CNTNAP2: variants seen among roughly 807,000 people sequenced by gnomAD.
The protein encoded by CNTNAP2 is contactin associated protein 2, also known as contactin-associated protein-like 2.
CNTNAP2 carries 98 observed loss-of-function variants against 155.2 expected under a neutral mutation model. The observed-to-expected ratio is 0.63, with a 90% CI of 0.54 to 0.75. CNTNAP2 has a LOEUF of 0.75. Ranked by LOEUF, CNTNAP2 falls within the 30% of genes least tolerant of loss-of-function variation. The probability of loss-of-function intolerance (pLI) is 0.00; values close to 1 mark genes in which losing one functional copy is unlikely to be tolerated. For missense variants in CNTNAP2, 1,727 were observed against 1,688.1 expected (o/e 1.02, Z -0.40); for synonymous variants, 651 against 631.2 (o/e 1.03, Z -0.47).
intron 2 of CNTNAP2, among the ~76,000 whole-genome samples, chr7:146,814,452 G>A (rs934046253): frequency 6.6e-6 from 1 of 151,932 alleles, no homozygotes; most frequent in Non-Finnish European, 1.5e-5. Flanking sequence ...AAATAAAATT[G>A]ATAACAATAA....
chr7:147,828,910 T>C (rs1439737530), intron 13 of CNTNAP2, among the ~76,000 whole-genome samples: 3 of 152,196 alleles, frequency 2.0e-5, no homozygotes, highest in African/African-American at 4.8e-5. Flanking sequence ...AATGGTACTA[T>C]ATTACTTAGT....
At chr7:146,931,083 G>T (rs1330253411) in intron 3 of CNTNAP2, among the ~76,000 whole-genome samples, 2 of 151,684 alleles carry the variant, frequency 1.3e-5, no homozygotes, top group Non-Finnish European at 2.9e-5. Context: ...GCACCAAGTG[G>T]ACCTAATAGA....
At chr7:147,811,023 G>A (rs1798171398) in intron 13 of CNTNAP2, among the ~76,000 whole-genome samples, 1 of 152,212 alleles carries the variant, frequency 6.6e-6, no homozygotes, top group South Asian at 2.1e-4. Flanking sequence ...TTACTAGGAA[G>A]TAGGCATGTA....
intron 1 of CNTNAP2, among the ~76,000 whole-genome samples, chr7:146,428,334 A>G (rs1261663467): frequency 1.3e-5 from 2 of 152,166 alleles, no homozygotes; most frequent in Non-Finnish European, 2.9e-5. Flanking sequence ...GTCTTCCACA[A>G]CGGTTGAACT....
intron 21 of CNTNAP2, among the ~76,000 whole-genome samples, chr7:148,370,450 C>T (rs1331447406): frequency 3.3e-5 from 5 of 152,188 alleles, no homozygotes; most frequent in Non-Finnish European, 7.3e-5. Context: ...TGACTTTACT[C>T]CTCAGGCTGT....
At chr7:146,218,234 G>A (rs924693516) in intron 1 of CNTNAP2, among the ~76,000 whole-genome samples, 2 of 152,212 alleles carry the variant, frequency 1.3e-5, no homozygotes, top group African/African-American at 4.8e-5. Flanking sequence ...CATCGGCCGG[G>A]CGCGGTGGCT....
chr7:147,578,046 T>G (rs890908632), intron 12 of CNTNAP2, among the ~76,000 whole-genome samples: 1 of 152,160 alleles, frequency 6.6e-6, no homozygotes, highest in African/African-American at 2.4e-5. Flanking sequence ...TGTGGCCGCT[T>G]TAGAATCTAT....
intron 1 of CNTNAP2, among the ~76,000 whole-genome samples, chr7:146,746,904 A>T (rs1201611102): frequency 6.6e-6 from 1 of 151,444 alleles, no homozygotes; most frequent in Non-Finnish European, 1.5e-5. Context: ...CTAGCAACAA[A>T]GAAGTTTTTT....
chr7:147,876,562 T>C (rs1799422354), intron 13 of CNTNAP2, among the ~76,000 whole-genome samples: 1 of 152,170 alleles, frequency 6.6e-6, no homozygotes, highest in Admixed American at 6.6e-5. Context: ...TTAGTTATTA[T>C]GTGCTTTACC....
At chr7:146,910,621 G>T (rs1372502041) in intron 3 of CNTNAP2, among the ~76,000 whole-genome samples, 1 of 150,670 alleles carries the variant, frequency 6.6e-6, no homozygotes, top group African/African-American at 2.5e-5. Context: ...GCTGAAACTG[G>T]ATCCCTTCCT....
At chr7:146,284,498 A>G (rs1022056905) in intron 1 of CNTNAP2, among the ~76,000 whole-genome samples, 3 of 152,206 alleles carry the variant, frequency 2.0e-5, no homozygotes, top group African/African-American at 4.8e-5. Context: ...ATAGAACAGC[A>G]TAATCTGATT....
At chr7:147,034,210 G>T (rs1799101271) in intron 3 of CNTNAP2, among the ~76,000 whole-genome samples, 1 of 152,162 alleles carries the variant, frequency 6.6e-6, no homozygotes, top group African/African-American at 2.4e-5. Context: ...CTTTTAGCAA[G>T]CTAATGAAAT....
intron 1 of CNTNAP2, among the ~76,000 whole-genome samples, chr7:146,175,196 C>T (rs1173853590): frequency 1.3e-5 from 2 of 152,048 alleles, no homozygotes; most frequent in Non-Finnish European, 1.5e-5. Flanking sequence ...GGCAGAGTCA[C>T]CTTGGGGAAT....
Position 146,518,423 on chromosome 7 carries a change from T to G in CNTNAP2, c.98-255848T>G, listed in dbSNP as rs143717381. Among the ~76,000 whole-genome samples, 23 of 151,982 alleles carry G rather than the reference T, an allele frequency of 1.5e-4. No individual in the cohort carries two copies. The East Asian group carries it at 4.5e-3, about 29-fold the overall frequency. On this transcript the variant is annotated intron_variant, in intron 1 of 23. Coordinates refer to ENST00000361727, the MANE Select transcript of CNTNAP2 (RefSeq NM_014141.6). ...TTAAAAAGTTACGCATCCAGTAAATTTTTCAGTAGGCTGTTCATTTTTATG... is the reference window on the plus strand; with the variant it reads ...TTAAAAAGTTACGCATCCAGTAAATGTTTCAGTAGGCTGTTCATTTTTATG...
At chr7:147,761,316 G>A (rs1797295169) in intron 13 of CNTNAP2, among the ~76,000 whole-genome samples, 2 of 152,030 alleles carry the variant, frequency 1.3e-5, no homozygotes, top group African/African-American at 4.8e-5. Flanking sequence ...TCTGTTCCAG[G>A]TACATCTTTA....
intron 3 of CNTNAP2, among the ~76,000 whole-genome samples, chr7:147,016,489 G>GA (rs1652277811): frequency 6.6e-6 from 1 of 152,012 alleles, no homozygotes; most frequent in South Asian, 2.1e-4. Flanking sequence ...TGGCTTATCA[G>GA]AAATCCATAC....
chr7:147,727,085 T>C (rs184815694), intron 13 of CNTNAP2, among the ~76,000 whole-genome samples: 39 of 152,090 alleles, frequency 2.6e-4, no homozygotes, highest in Admixed American at 1.2e-3. Context: ...GTGCAGTTTT[T>C]AGTATACCAA....
intron 14 of CNTNAP2, among the ~76,000 whole-genome samples, chr7:147,961,432 T>C (rs1801118948): frequency 6.6e-6 from 1 of 152,156 alleles, no homozygotes; most frequent in South Asian, 2.1e-4. Flanking sequence ...TCAAAAGATA[T>C]ACGTGGAGAA....
At chr7:148,345,592 C>T (rs868808903) in intron 21 of CNTNAP2, among the ~76,000 whole-genome samples, 1 of 152,098 alleles carries the variant, frequency 6.6e-6, no homozygotes, top group African/African-American at 2.4e-5. Flanking sequence ...GCTATGTTGG[C>T]CAGGCTGGTC....
Sources: allele counts gnomAD v4.1 joint callset (sites outside exome capture counted in the v4.1 genomes callset), GRCh38; gene constraint gnomAD v4.1.1; transcripts MANE v1.5; gene names NCBI Gene and HGNC (gene_info 2026-07-23, HGNC 2026-07-21).